RORB: variants seen among roughly 807,000 people sequenced by gnomAD.
RORB encodes nuclear receptor ROR-beta.
RORB carries 6 observed loss-of-function variants against 59.1 expected under a neutral mutation model. The ratio of observed to expected loss-of-function variants is 0.10; its 90% CI spans 0.06 to 0.20. The LOEUF (loss-of-function observed/expected upper bound fraction) is 0.20. RORB is among the 10% of genes least tolerant of loss of function. The pLI, the probability that RORB is intolerant of heterozygous loss-of-function variation, is 1.00. For missense variants in RORB, 320 were observed against 560.5 expected (o/e 0.57, Z 4.33); for synonymous variants, 215 against 204.5 (o/e 1.05, Z -0.44).
chr9:74,506,584 A>G (rs1436700450), intron 1 of RORB, among the ~76,000 whole-genome samples: 1 of 152,030 alleles, frequency 6.6e-6, no homozygotes, highest in African/African-American at 2.4e-5. Context: ...TGTCTGATCT[A>G]CTCTGAAACA....
intron 3 of RORB, among the ~76,000 whole-genome samples, chr9:74,636,198 C>T (rs920883253): frequency 2.6e-5 from 4 of 152,060 alleles, no homozygotes; most frequent in African/African-American, 9.7e-5. Flanking sequence ...ATACTTATTT[C>T]GTGTAATTAT....
chr9:74,622,105 TCTGC>T (rs1823430224), intron 1 of RORB, among the ~76,000 whole-genome samples: 1 of 152,208 alleles, frequency 6.6e-6, no homozygotes, highest in Admixed American at 6.5e-5. Context: ...AGGAATAAAC[TCTGC>T]CTGGTCATTC....
chr9:74,622,519 ATT>A lies in RORB; in HGVS notation c.8-7739_8-7738del, dbSNP rs33946613. 1.8e-4 allele frequency among the ~76,000 whole-genome samples: 13 copies of A among 74,142 alleles called. No homozygotes were observed. In the East Asian group the frequency reaches 2.7e-3, roughly 15 times the overall value. The allele number at this position is 74,142 out of a possible 152,430, so 48.6% of individuals were successfully genotyped here. On this transcript the variant is annotated intron_variant, in intron 1 of 9. Transcript: ENST00000376896. Reference sequence around the variant, plus strand: ...TCACAGAGATGCTGTTACAACCCAGATTTTTTTTTTTTTTTTTTTTTTTTTGA... The same window carrying A: ...TCACAGAGATGCTGTTACAACCCAGATTTTTTTTTTTTTTTTTTTTTTTGA...
At chr9:74,615,977 T>C (rs1364120062) in intron 1 of RORB, among the ~76,000 whole-genome samples, 2 of 152,204 alleles carry the variant, frequency 1.3e-5, no homozygotes, top group Non-Finnish European at 2.9e-5. Context: ...GCTTTGATTT[T>C]GGTCATCAGC....
chr9:74,508,967 C>T (rs559703004), intron 1 of RORB, among the ~76,000 whole-genome samples: 2 of 151,928 alleles, frequency 1.3e-5, no homozygotes, highest in Non-Finnish European at 2.9e-5. Flanking sequence ...GTAGATATCC[C>T]TAATCAACTA....
At chr9:74,658,556 A>G (rs1047784704) in intron 4 of RORB, among the ~76,000 whole-genome samples, 1 of 152,240 alleles carries the variant, frequency 6.6e-6, no homozygotes, top group Non-Finnish European at 1.5e-5. Flanking sequence ...TCTTGTTTAT[A>G]AACCCTGAAG....
intron 9 of RORB, among the ~76,000 whole-genome samples, chr9:74,683,588 G>A (rs762088506): frequency 1.2e-4 from 18 of 152,048 alleles, no homozygotes; most frequent in Non-Finnish European, 2.4e-4. Context: ...AGTGCAAAGC[G>A]CTACAGCATC....
chr9:74,574,657 C>A (rs1822603857), intron 1 of RORB, among the ~76,000 whole-genome samples: 2 of 152,082 alleles, frequency 1.3e-5, no homozygotes, highest in Admixed American at 1.3e-4. Flanking sequence ...AGACTCCAAC[C>A]TTTTGGGATC....
chr9:74,587,301 T>A (rs1317256555), intron 1 of RORB, among the ~76,000 whole-genome samples: 2 of 152,198 alleles, frequency 1.3e-5, no homozygotes, highest in Non-Finnish European at 2.9e-5. Context: ...CAGAAGTTAC[T>A]GTTATATGCA....
intron 3 of RORB, among the ~76,000 whole-genome samples, chr9:74,637,226 G>T (rs1823718711): frequency 6.6e-6 from 1 of 152,158 alleles, no homozygotes; most frequent in Non-Finnish European, 1.5e-5. Context: ...TTTGGTATAT[G>T]CATTTGCTCT....
intron 1 of RORB, among the ~76,000 whole-genome samples, chr9:74,624,694 A>C (rs1823481940): frequency 6.6e-6 from 1 of 152,216 alleles, no homozygotes; most frequent in Non-Finnish European, 1.5e-5. Flanking sequence ...TGCCAGTGAG[A>C]GAGGGAAAGA....
intron 4 of RORB, among the ~76,000 whole-genome samples, chr9:74,651,819 G>C (rs1354995592): frequency 6.6e-6 from 1 of 152,114 alleles, no homozygotes; most frequent in Non-Finnish European, 1.5e-5. Context: ...TTCTGTGAAG[G>C]AGATCTTTTA....
At chr9:74,536,928 C>T (rs762997180) in intron 1 of RORB, among the ~76,000 whole-genome samples, 22 of 151,940 alleles carry the variant, frequency 1.4e-4, no homozygotes, top group Non-Finnish European at 2.4e-4. Context: ...GGAGAATTCT[C>T]TCTTATATTA....
chr9:74,592,506 G>C (rs1007586133), intron 1 of RORB, among the ~76,000 whole-genome samples: 2 of 152,082 alleles, frequency 1.3e-5, no homozygotes, highest in African/African-American at 4.8e-5. Context: ...CGAAATAGTT[G>C]ACTTACATGC....
chr9:74,537,495 GA>G (rs961055576), intron 1 of RORB, among the ~76,000 whole-genome samples: 1 of 150,776 alleles, frequency 6.6e-6, no homozygotes, highest in African/African-American at 2.4e-5. Context: ...AACAAGAGTT[GA>G]AAAAAAATCA....
In RORB at chr9:74,549,185, C is replaced by T. The variant is rs7034683; in HGVS notation, c.7+51202C>T. On this transcript the variant is annotated intron_variant, in intron 1 of 9. Coordinates refer to ENST00000376896, the MANE Select transcript of RORB (RefSeq NM_006914.4). ...TGTCAGCCGGCTGCAGTGGCTCACG[C>T]CTGTAATCCCAACACTTTGGGAGGC... is the stretch of plus-strand genomic sequence containing the variant. Among the ~76,000 whole-genome samples the T allele has an allele frequency of 5.9e-3, 892 of 152,230 alleles. 5 individuals are homozygous for T. The highest frequency in any genetic ancestry group is 0.016 in the African/African-American group (664 of 41,542).
chr9:74,597,584 A>G (rs1362582189), intron 1 of RORB, among the ~76,000 whole-genome samples: 1 of 152,272 alleles, frequency 6.6e-6, no homozygotes, highest in African/African-American at 2.4e-5. Context: ...ATTCAAATGA[A>G]AACAAATTGA....
intron 1 of RORB, among the ~76,000 whole-genome samples, chr9:74,565,716 T>G (rs1822460315): frequency 6.6e-6 from 1 of 152,180 alleles, no homozygotes; most frequent in African/African-American, 2.4e-5. Context: ...TCATACATTT[T>G]TATTTAAGCT....
chr9:74,499,691 A>G (rs1825780516), intron 1 of RORB, among the ~76,000 whole-genome samples: 1 of 152,166 alleles, frequency 6.6e-6, no homozygotes, highest in African/African-American at 2.4e-5. Context: ...TGGCTTAGTA[A>G]GAGACGCCCG....
Sources: allele counts gnomAD v4.1 joint callset (sites outside exome capture counted in the v4.1 genomes callset), GRCh38; gene constraint gnomAD v4.1.1; transcripts MANE v1.5; gene names NCBI Gene and HGNC (gene_info 2026-07-23, HGNC 2026-07-21).